NUMBL: variants seen among roughly 807,000 people sequenced by gnomAD.
NUMBL encodes the protein numb-like protein.
A neutral mutation model predicts 48.9 loss-of-function variants in NUMBL; 20 were observed. The ratio of observed to expected loss-of-function variants is 0.41; its 90% CI spans 0.29 to 0.59. NUMBL has a LOEUF of 0.59. Ranked by LOEUF, NUMBL falls within the 20% of genes least tolerant of loss-of-function variation. NUMBL has a pLI of 0.31. For missense variants in NUMBL, 660 were observed against 846.2 expected, an observed-to-expected ratio of 0.78 and a Z score of 2.73; for synonymous variants, 340 against 348.7, an observed-to-expected ratio of 0.98 and a Z score of 0.28.
chr19:40,671,885 AT>A (rs1000066245), intron 8 of NUMBL, among the ~76,000 whole-genome samples: 170 of 145,464 alleles, frequency 1.2e-3, no homozygotes, highest in African/African-American at 1.6e-3. Context: ...ATTGCTCTTA[AT>A]TTTTTTTTTT....
At chr19:40,678,627 C>T (rs1019812817) in intron 6 of NUMBL, among the ~76,000 whole-genome samples, 9 of 152,046 alleles carry the variant, frequency 5.9e-5, no homozygotes, top group South Asian at 2.1e-4. Context: ...TCTAGAACTG[C>T]GGCAAACAAA....
chr19:40,678,518 G>A (rs1340182901), intron 6 of NUMBL, among the ~76,000 whole-genome samples: 1 of 152,188 alleles, frequency 6.6e-6, no homozygotes, highest in Non-Finnish European at 1.5e-5. Context: ...TCCACCTTGA[G>A]AGGTGAAGAT....
At position 40,667,095 on chromosome 19, in the gene NUMBL, TC is replaced by T; in HGVS notation, c.*372del. On this transcript the variant is annotated 3_prime_UTR_variant, in exon 10 of 10. Transcript: ENST00000252891. The surrounding 1 kb of genome is among the most constrained non-coding windows in gnomAD (Gnocchi z 6.1). ...GCCCAGGAGAGCCCCTAAGCAAGTG[TC>T]CCCCCTCCATCCTGTCCAACACTGG... The T allele has an allele frequency of 7.0e-6, 2 of 283,886 alleles. No homozygotes were observed. The highest frequency in any genetic ancestry group is 1.0e-4 in the East Asian group (1 of 9,752). The allele number at this position is 283,886 out of a possible 1,614,324, so 17.6% of individuals were successfully genotyped here.
chr19:40,686,495 AGTCTGTATCCAGCGAGC>A (rs1317247640), intron 2 of NUMBL, among the ~76,000 whole-genome samples: 1 of 152,138 alleles, frequency 6.6e-6, no homozygotes, highest in African/African-American at 2.4e-5. Flanking sequence ...TGTATCTCAG[AGTCTGTATCCAGCGAGC>A]GTCTGTGGTC....
Position 40,671,758 on chromosome 19 carries a change from GT to G in NUMBL, c.1036+1585del, listed in dbSNP as rs2081849252. Among the ~76,000 whole-genome samples the G allele has an allele frequency of 2.0e-5, 3 of 152,220 alleles. No individual in the cohort carries two copies. In the South Asian group the frequency reaches 6.2e-4, roughly 31 times the overall value. ...AGATTTGGCATCCAGGAGCAAGAGAGTGGGCCAGACCACATGGGTTCACTGG... is the reference window on the plus strand; with the variant it reads ...AGATTTGGCATCCAGGAGCAAGAGAGGGGCCAGACCACATGGGTTCACTGG... On this transcript the variant is annotated intron_variant, in intron 8 of 9. Transcript: ENST00000252891.
At chr19:40,674,178 G>C (rs1048350505) in intron 7 of NUMBL, among the ~76,000 whole-genome samples, 22 of 152,112 alleles carry the variant, frequency 1.4e-4, no homozygotes, top group Non-Finnish European at 2.9e-4. Context: ...TGCTCCAAAT[G>C]ACTGCCCGCC....
intron 6 of NUMBL, among the ~76,000 whole-genome samples, chr19:40,680,265 A>T (rs1174899552): frequency 6.6e-6 from 1 of 150,592 alleles, no homozygotes; most frequent in African/African-American, 2.5e-5. Flanking sequence ...CTCCTACCTC[A>T]GCCTCTGGAG....
chr19:40,667,322 A>C lies in NUMBL; in HGVS notation c.*146T>G. On this transcript the variant is annotated 3_prime_UTR_variant, in exon 10 of 10. Transcript: ENST00000252891. The surrounding 1 kb of genome is among the most constrained non-coding windows in gnomAD (Gnocchi z 6.1). ...CTGGGCGTCACAATGTTGGTTCTGT[A>C]GTGGTTGTCGGGGTGGTTGAGGGAG... is the stretch of plus-strand genomic sequence containing the variant. 8.7e-7 allele frequency: 1 copy of C among 1,153,702 alleles called. No homozygotes were observed. Among genetic ancestry groups the C allele is most frequent in the South Asian group, 1.6e-5 (1 of 63,532 alleles). The allele number at this position is 1,153,702 out of a possible 1,614,324, so 71.5% of individuals were successfully genotyped here. A position where few individuals can be genotyped will look rare whatever the true frequency, so the allele number is the denominator to read the frequency against.
chr19:40,681,194 G>T, intron 5 of NUMBL, 137 bp from the exon 6 acceptor site: 1 of 861,784 alleles, frequency 1.2e-6, no homozygotes. Flanking sequence ...CCTGTGCCTT[G>T]CCTGCAGAGG....
chr19:40,679,547 G>A (rs2081894481), intron 6 of NUMBL, among the ~76,000 whole-genome samples: 2 of 152,068 alleles, frequency 1.3e-5, no homozygotes, highest in African/African-American at 2.4e-5. Context: ...CTGTGATGGT[G>A]CATGTCTGTA....
intron 9 of NUMBL, among the ~76,000 whole-genome samples, chr19:40,669,011 G>C (rs985820677): frequency 1.1e-4 from 17 of 151,866 alleles, no homozygotes; most frequent in African/African-American, 4.1e-4. Flanking sequence ...TGGTTCTCAA[G>C]GATTCCATGG....
In NUMBL at chr19:40,682,965, G is replaced by A; in HGVS notation, c.253C>T (p.Leu85=). The A allele has an allele frequency of 6.2e-7, 1 of 1,611,628 alleles. No individual in the cohort carries two copies. Among genetic ancestry groups the A allele is most frequent in the East Asian group, 2.2e-5 (1 of 44,816 alleles). The change falls in exon 4 of 10, where the codon CTG becomes TTG. Residue 85 remains leucine (L), a synonymous_variant. Transcript: ENST00000252891. The surrounding 1 kb of genome is among the most constrained non-coding windows in gnomAD (Gnocchi z 4.0). ...KGTCSFPVRY[L]GHVEVEESRG... is the part of the protein sequence containing the mutation. The stretch of plus-strand genomic sequence containing the variant: ...GACTCCTCTACCTCCACGTGACCCA[G>A]GTACTTGGGTTGGAGGGAATGGGGG...
At chr19:40,683,086 A>G in intron 3 of NUMBL, 118 bp from the exon 4 acceptor site, 1 of 891,630 alleles carries the variant, frequency 1.1e-6, no homozygotes, top group Non-Finnish European at 1.8e-6. Flanking sequence ...ATGTGTATGC[A>G]ATCATTTATT....
chr19:40,667,426 G>T lies in NUMBL; in HGVS notation c.*42C>A, dbSNP rs1278988426. 6.3e-7 allele frequency: 1 copy of T among 1,590,480 alleles called. No homozygotes were observed. Among genetic ancestry groups the T allele is most frequent in the Admixed American group, 1.8e-5 (1 of 56,064 alleles). ...AGAGGTTGTGCCTCCACCCCCAGGC[G>T]TGGGGCACCTGGAGATGATGGAGTG... is the stretch of plus-strand genomic sequence containing the variant. On this transcript the variant is annotated 3_prime_UTR_variant, in exon 10 of 10. Transcript: ENST00000252891. This position sits in a 1 kb window ranked among gnomAD's most constrained non-coding sequence, Gnocchi z 6.1.
At position 40,669,983 on chromosome 19, in the gene NUMBL, G is replaced by A; in HGVS notation, c.1074C>T (p.Asp358=). The change falls in exon 9 of 10, where the codon GAC becomes GAT. Residue 358 remains aspartate, a synonymous_variant. Coordinates refer to ENST00000252891, the MANE Select transcript of NUMBL (RefSeq NM_004756.5). The part of the protein sequence containing the change: ...EMEPPGAGDS[D]SINALCTQIS... Reference sequence around the variant, plus strand: ...TCTGTGTGCACAGAGCGTTGATGCTGTCACTGTCGCCGGCACCAGGAGGCT... The same window carrying A: ...TCTGTGTGCACAGAGCGTTGATGCTATCACTGTCGCCGGCACCAGGAGGCT... The A allele has an allele frequency of 6.2e-7, 1 of 1,614,010 alleles. No homozygotes were observed. Among genetic ancestry groups the A allele is most frequent in the Non-Finnish European group, 8.5e-7 (1 of 1,179,954 alleles).
chr19:40,669,245 G>A (rs1173563165), intron 9 of NUMBL, among the ~76,000 whole-genome samples: 9 of 152,056 alleles, frequency 5.9e-5, no homozygotes, highest in Non-Finnish European at 1.3e-4. Flanking sequence ...GTGATCCTAT[G>A]GCTCTAAGAT....
rs765043746 is a variant in NUMBL, at chr19:40,667,486, T to A, written c.1812A>T (p.Thr604=). The part of the protein sequence containing the change: ...SNPFSGDLQK[T]FEIEL ...GCTCGGGCTACAGTTCAATCTCGAATGTCTTTTGCAGGTCGCCAGAAAAGG... is the reference window on the plus strand; with the variant it reads ...GCTCGGGCTACAGTTCAATCTCGAAAGTCTTTTGCAGGTCGCCAGAAAAGG... Residue 604 remains threonine (T), a synonymous_variant, in exon 10 of 10, where the codon ACA becomes ACT. Coordinates refer to ENST00000252891, the MANE Select transcript of NUMBL (RefSeq NM_004756.5). The surrounding 1 kb of genome is among the most constrained non-coding windows in gnomAD (Gnocchi z 6.1). 3 of 1,603,086 alleles carry A rather than the reference T, an allele frequency of 1.9e-6. No individual in the cohort carries two copies. Among genetic ancestry groups the A allele is most frequent in the Non-Finnish European group, 1.7e-6 (2 of 1,175,066 alleles).
Position 40,667,501 on chromosome 19 carries a change from G to T in NUMBL, c.1797C>A (p.Gly599=), listed in dbSNP as rs751449621. Residue 599 remains glycine, a synonymous_variant, in exon 10 of 10, where the codon GGC becomes GGA. Transcript: ENST00000252891. This position sits in a 1 kb window ranked among gnomAD's most constrained non-coding sequence, Gnocchi z 6.1. ...TVEKPSNPFS[G]DLQKTFEIEL ...CAATCTCGAATGTCTTTTGCAGGTC[G>T]CCAGAAAAGGGGTTGGAGGGTTTCT... 11 of 1,596,958 alleles carry T rather than the reference G, an allele frequency of 6.9e-6. No homozygotes were observed. Among genetic ancestry groups the T allele is most frequent in the African/African-American group, 1.3e-5 (1 of 74,738 alleles).
intron 8 of NUMBL, among the ~76,000 whole-genome samples, chr19:40,670,788 A>G (rs1382737133): frequency 1.3e-5 from 2 of 152,028 alleles, no homozygotes; most frequent in East Asian, 3.9e-4. Flanking sequence ...AGCTTCTGAG[A>G]GTGTGACTGG....
Sources: gnomAD v4.1 joint callset for allele counts (sites outside exome capture counted in the v4.1 genomes callset) on GRCh38, gnomAD v4.1.1 for gene constraint, Gnocchi (gnomAD v3.1) non-coding constraint, MANE v1.5 for transcripts, NCBI Gene and HGNC (gene_info 2026-07-23, HGNC 2026-07-21) for gene names.